Variants in RHBDF1 observed in about 807,000 individuals in gnomAD.
The protein encoded by RHBDF1 is rhomboid 5 homolog 1, also known as inactive rhomboid protein 1.
A neutral mutation model predicts 98.6 loss-of-function variants in RHBDF1; 80 were observed. The observed-to-expected ratio is 0.81, with a 90% CI of 0.68 to 0.98. The LOEUF is 0.98. Ranked by LOEUF, RHBDF1 falls within the 50% of genes least tolerant of loss-of-function variation. The pLI is 0.00. For missense variants in RHBDF1, 1,116 were observed against 1,198.3 expected (o/e 0.93, Z 1.01); for synonymous variants, 512 against 486.8 (o/e 1.05, Z -0.68).
intron 7 of RHBDF1, 36 bp downstream of exon 7, chr16:62,500 GTC>G: frequency 6.2e-7 from 1 of 1,603,412 alleles, no homozygotes; most frequent in Non-Finnish European, 8.5e-7. Flanking sequence ...GGGCCCCGGG[GTC>G]TCTCTCTGCC....
At chr16:68,446 G>A (rs1350544596) in intron 1 of RHBDF1, among the ~76,000 whole-genome samples, 1 of 152,222 alleles carries the variant, frequency 6.6e-6, no homozygotes, top group Non-Finnish European at 1.5e-5. Context: ...GGCGCACAGT[G>A]GGCTCTTGTT....
chr16:74,901 C>T (rs1235980563), upstream of RHBDF1: 2 of 151,708 alleles, frequency 1.3e-5, no homozygotes, highest in Non-Finnish European at 1.5e-5. Flanking sequence ...ATAAAACGGT[C>T]CCACCCCATC....
At position 59,798 on chromosome 16, in the gene RHBDF1, T is replaced by C; in HGVS notation, c.1751A>G (p.His584Arg). 6.2e-7 allele frequency: 1 copy of C among 1,614,130 alleles called. No individual in the cohort carries two copies. Among genetic ancestry groups the C allele is most frequent in the Non-Finnish European group, 8.5e-7 (1 of 1,180,024 alleles). The change falls in exon 14 of 18, where the codon CAC (histidine) becomes CGC (arginine). Residue 584 changes from histidine to arginine, a missense_variant. Transcript: ENST00000262316. The part of the protein sequence containing the change: ...PICTKNSAGN[H>R]TNHPHMDCVI... ...ACAGTCCATGTGGGGATGGTTGGTG[T>C]GGTTCCCAGCGCTGTTTTTGGTGCA...
At chr16:65,077 T>C (rs1181904257) in intron 1 of RHBDF1, 38 bp from the exon 2 acceptor site, 17 of 1,479,010 alleles carry the variant, frequency 1.1e-5, no homozygotes, top group Admixed American at 2.4e-5. Context: ...ATGACAAAGC[T>C]GACATCTGAA....
chr16:62,772 T>A lies in RHBDF1; in HGVS notation c.795+3A>T, dbSNP rs548997243. On this transcript the variant is annotated splice_donor_region_variant and intron_variant, in intron 6 of 17. Coordinates refer to ENST00000262316, the MANE Select transcript of RHBDF1 (RefSeq NM_022450.5). Reference sequence around the variant, plus strand: ...GTGGGGGGACACCCCGGGCACTTCTTACCCGGGCAAAGAAGGATGTGTCCA... The same window carrying A: ...GTGGGGGGACACCCCGGGCACTTCTAACCCGGGCAAAGAAGGATGTGTCCA... 1 of 1,614,034 alleles carries A rather than the reference T, an allele frequency of 6.2e-7. No individual in the cohort carries two copies. The highest frequency in any genetic ancestry group is 1.1e-5 in the South Asian group (1 of 91,084).
In RHBDF1 at chr16:72,572, G is replaced by A; in HGVS notation, c.-84C>T. The A allele has an allele frequency of 1.2e-6, 1 of 833,936 alleles. No homozygotes were observed. The allele number at this position is 833,936 out of a possible 1,614,324, so 51.7% of individuals were successfully genotyped here. On this transcript the variant is annotated 5_prime_UTR_variant, in exon 1 of 18. Transcript: ENST00000262316. ...CGCCGGGGAGGAGGCTGCCGCCGCT[G>A]GCCGGGAGGGCCCGCGCCGAGTCCC...
chr16:64,234 G>A, intron 3 of RHBDF1: 1 of 1,330,948 alleles, frequency 7.5e-7, no homozygotes, highest in Non-Finnish European at 9.9e-7. Flanking sequence ...CTGCCGTTAG[G>A]AGCCCCAGGG....
Position 72,523 on chromosome 16 carries a change from G to GT in RHBDF1, c.-36_-35insA. 1 of 831,124 alleles carries GT rather than the reference G, an allele frequency of 1.2e-6. No individual in the cohort carries two copies. The allele number at this position is 831,124 out of a possible 1,614,324, so 51.5% of individuals were successfully genotyped here. On this transcript the variant is annotated 5_prime_UTR_variant, in exon 1 of 18. Coordinates refer to ENST00000262316, the MANE Select transcript of RHBDF1 (RefSeq NM_022450.5). The stretch of plus-strand genomic sequence containing the variant: ...GCCGCGCTCACTCACTGCCGCCGCC[G>GT]GGGGCTCTGGGGGGTCCTGAGGGCG...
rs574767507 is a variant in RHBDF1 at position 58,341 on chromosome 16, C to T, written c.2567G>A (p.Ter856=). 9 of 1,609,588 alleles carry T rather than the reference C, an allele frequency of 5.6e-6. No homozygotes were observed. In the African/African-American group the frequency reaches 1.1e-4, roughly 19 times the overall value. Residue 856 remains the stop codon, a stop_retained_variant, in exon 18 of 18, where the codon TGA becomes TAA. Transcript: ENST00000262316. ...CGGCCGCTGGAGCCCGCAGCCAGCT[C>T]AGTGGAGCTGAGCGTCCAGTTCGTA... ...EKYELDAQLH[*]
intron 1 of RHBDF1, among the ~76,000 whole-genome samples, chr16:65,639 G>C (rs1897809145): frequency 1.3e-5 from 2 of 152,086 alleles, no homozygotes; most frequent in African/African-American, 4.8e-5. Context: ...GTCTTACCAG[G>C]CCTCACCCTC....
At position 61,620 on chromosome 16, in the gene RHBDF1, G is replaced by T. The variant is rs1268795717; in HGVS notation, c.1285C>A (p.Pro429Thr). ...ILAVCIYGIA[P>T]VGFSQHETVD... ...GTCTCATGCTGCGAGAAGCCCACGGGCGCGATGCCATAGATGCACACGGCT... is the reference window on the plus strand; with the variant it reads ...GTCTCATGCTGCGAGAAGCCCACGGTCGCGATGCCATAGATGCACACGGCT... The change falls in exon 9 of 18, where the codon CCC (proline) becomes ACC (threonine). Residue 429 changes from proline (P) to threonine (T), a missense_variant. Coordinates refer to ENST00000262316, the MANE Select transcript of RHBDF1 (RefSeq NM_022450.5). The T allele has an allele frequency of 6.2e-7, 1 of 1,613,472 alleles. No individual in the cohort carries two copies.
At chr16:62,514 CT>C in intron 7 of RHBDF1, 23 bp downstream of exon 7, 1 of 1,608,234 alleles carries the variant, frequency 6.2e-7, no homozygotes, top group Non-Finnish European at 8.5e-7. Flanking sequence ...CTCTCTGCCC[CT>C]CTTCCCTGCC....
In RHBDF1 at chr16:66,652, T is replaced by C. The variant is rs369350535; in HGVS notation, c.-24-1613A>G. 3.9e-4 allele frequency among the ~76,000 whole-genome samples: 59 copies of C among 152,316 alleles called. 2 individuals carry two copies. The South Asian group carries it at 0.01, about 27-fold the overall frequency. On this transcript the variant is annotated intron_variant, in intron 1 of 17. Transcript: ENST00000262316. ...TCACGCTCCAGCCCCTTATCTGAGC[T>C]GACTGTGCACTTCAGGTCCCAGGTG...
In RHBDF1 at chr16:63,650, C is replaced by A. The variant is rs114597905; in HGVS notation, c.399G>T (p.Ser133=). 6.2e-7 allele frequency: 1 copy of A among 1,607,460 alleles called. No homozygotes were observed. Among genetic ancestry groups the A allele is most frequent in the Non-Finnish European group, 8.5e-7 (1 of 1,177,472 alleles). The change falls in exon 4 of 18, where the codon TCG becomes TCT. Residue 133 remains serine (S), a synonymous_variant. Coordinates refer to ENST00000262316, the MANE Select transcript of RHBDF1 (RefSeq NM_022450.5). ...ELDLPSQDNV[S]LTSTETPPPL... The stretch of plus-strand genomic sequence containing the variant: ...GGGGTGGCGTCTCGGTGCTGGTCAG[C>A]GACACGTTGTCCTGGCTGGGCAGGT...
chr16:61,931 G>A lies in RHBDF1; in HGVS notation c.1075C>T (p.Pro359Ser). 1 of 1,600,168 alleles carries A rather than the reference G, an allele frequency of 6.2e-7. No homozygotes were observed. ...GPRRGQRIAV[P>S]VRKLFAREKR... is the part of the protein sequence containing the mutation. The stretch of plus-strand genomic sequence containing the variant: ...TCCCGGGCGAAGAGCTTGCGCACCG[G>A]CACCGCGATACGCTGGCCCCGTCGC... The change falls in exon 8 of 18, where the codon CCG becomes TCG. Residue 359 changes from proline (P) to serine (S), a missense_variant. By Grantham distance (74) the Pro-to-Ser change is moderately conservative. Transcript: ENST00000262316.
intron 1 of RHBDF1, among the ~76,000 whole-genome samples, chr16:70,075 C>T (rs149119698): frequency 1.3e-5 from 2 of 152,108 alleles, no homozygotes; most frequent in African/African-American, 4.8e-5. Context: ...CAGAGCTAAA[C>T]CCCTGACTCA....
chr16:64,699 C>G lies in RHBDF1; in HGVS notation c.248G>C (p.Arg83Thr). The change falls in exon 3 of 18, where the codon AGG becomes ACG. Residue 83 changes from arginine to threonine, a missense_variant and splice_region_variant. Transcript: ENST00000262316. ...TGGAGCAGCTGGGCGGTGTTGGTACCTGCGGATGGTCTGTGTGATGGACGT... is the reference window on the plus strand; with the variant it reads ...TGGAGCAGCTGGGCGGTGTTGGTACGTGCGGATGGTCTGTGTGATGGACGT... ...RQTSITQTIR[R>T]GTADWFGVSK... is the part of the protein sequence containing the mutation. 1 of 1,608,270 alleles carries G rather than the reference C, an allele frequency of 6.2e-7. No homozygotes were observed. Among genetic ancestry groups the G allele is most frequent in the South Asian group, 1.1e-5 (1 of 90,580 alleles).
chr16:68,295 T>C (rs1897880884), intron 1 of RHBDF1, among the ~76,000 whole-genome samples: 1 of 152,218 alleles, frequency 6.6e-6, no homozygotes, highest in Non-Finnish European at 1.5e-5. Flanking sequence ...GATCCCCATC[T>C]GGGCCTCAAG....
intron 1 of RHBDF1, among the ~76,000 whole-genome samples, chr16:68,661 G>GC (rs1447098058): frequency 2.0e-5 from 3 of 152,112 alleles, no homozygotes; most frequent in Admixed American, 1.3e-4. Context: ...GGACCAGCTG[G>GC]GGGGGCTGCG....
Sources: allele counts gnomAD v4.1 joint callset (sites outside exome capture counted in the v4.1 genomes callset), GRCh38; gene constraint gnomAD v4.1.1; transcripts MANE v1.5; gene names NCBI Gene and HGNC (gene_info 2026-07-23, HGNC 2026-07-21).